The following MYO1E variants were observed in gnomAD, a reference collection of about 807,000 sequenced individuals.
MYO1E encodes myosin IE.
In MYO1E, 68 loss-of-function variants were observed where a neutral mutation model predicts 151.1. The ratio of observed to expected loss-of-function variants is 0.45; its 90% CI spans 0.37 to 0.55. MYO1E has a LOEUF of 0.55. MYO1E is among the 20% of genes least tolerant of loss of function. MYO1E has a pLI of 0.00. For synonymous variants in MYO1E, 601 were observed against 501.7 expected, an observed-to-expected ratio of 1.20 and a Z score of -2.64; for missense variants, 1,363 against 1,389.3, an observed-to-expected ratio of 0.98 and a Z score of 0.30.
chr15:59,147,987 C>G (rs1310116257), intron 26 of MYO1E, among the ~76,000 whole-genome samples: 1 of 152,196 alleles, frequency 6.6e-6, no homozygotes, highest in Admixed American at 6.5e-5. Flanking sequence ...CACCTTTCAA[C>G]CCTGGTAGAG....
intron 1 of MYO1E, among the ~76,000 whole-genome samples, chr15:59,333,220 T>C (rs1481560339): frequency 6.6e-6 from 1 of 152,170 alleles, no homozygotes; most frequent in Non-Finnish European, 1.5e-5. Flanking sequence ...TCCAGCTTCA[T>C]CACTATCTAC....
At chr15:59,324,057 C>T (rs1441145494) in intron 1 of MYO1E, among the ~76,000 whole-genome samples, 1 of 152,070 alleles carries the variant, frequency 6.6e-6, no homozygotes, top group Non-Finnish European at 1.5e-5. Flanking sequence ...GGGATCCTCC[C>T]TTGTGCCCTC....
intron 26 of MYO1E, among the ~76,000 whole-genome samples, chr15:59,142,409 C>G (rs2079415725): frequency 6.6e-6 from 1 of 152,316 alleles, no homozygotes; most frequent in Non-Finnish European, 1.5e-5. Flanking sequence ...AGTGGGAAGA[C>G]AAGACGGATG....
chr15:59,293,932 A>C (rs780401440), intron 1 of MYO1E, among the ~76,000 whole-genome samples: 5 of 152,190 alleles, frequency 3.3e-5, no homozygotes, highest in African/African-American at 1.2e-4. Flanking sequence ...GGTCCCTGCT[A>C]CTTGGGAAGC....
intron 2 of MYO1E, among the ~76,000 whole-genome samples, chr15:59,263,811 GAA>G (rs1284565743): frequency 6.6e-6 from 1 of 152,072 alleles, no homozygotes; most frequent in African/African-American, 2.4e-5. Flanking sequence ...GAAAATTACT[GAA>G]GAGTTATGGA....
intron 1 of MYO1E, among the ~76,000 whole-genome samples, chr15:59,289,282 A>G (rs1231841758): frequency 1.3e-5 from 2 of 152,360 alleles, no homozygotes; most frequent in East Asian, 3.9e-4. Context: ...TTACCATAAA[A>G]TAATCAGCTG....
chr15:59,218,003 C>A lies in MYO1E; in HGVS notation c.995G>T (p.Trp332Leu), dbSNP rs778537180. The A allele has an allele frequency of 3.1e-6, 5 of 1,614,142 alleles. No homozygotes were observed. Among genetic ancestry groups the A allele is most frequent in the Non-Finnish European group, 3.4e-6 (4 of 1,180,050 alleles). ...GTGGATGGATTCGGATTTGCCTCCC[C>A]ACTTGCTATCCATCTGCCGGCTTGT... ...KLTSRQMDSKWGGKSESIHVT... is the reference protein window; with the variant it reads ...KLTSRQMDSKLGGKSESIHVT... The change falls in exon 10 of 28, where the codon TGG (tryptophan) becomes TTG (leucine). Residue 332 changes from tryptophan to leucine, a missense_variant. Coordinates refer to ENST00000288235, the MANE Select transcript of MYO1E (RefSeq NM_004998.4).
At chr15:59,175,493 T>C (rs1489634100) in intron 19 of MYO1E, among the ~76,000 whole-genome samples, 2 of 152,134 alleles carry the variant, frequency 1.3e-5, no homozygotes, top group Non-Finnish European at 2.9e-5. Flanking sequence ...GATCCATCTG[T>C]GCAGAAACAA....
At chr15:59,163,427 A>ATAAG in intron 22 of MYO1E, 124 bp from the exon 23 acceptor site, 3 of 947,100 alleles carry the variant, frequency 3.2e-6, no homozygotes, top group South Asian at 1.7e-5. Context: ...CTTTCTTTCT[A>ATAAG]TAAGTAATAA....
At chr15:59,261,719 G>T (rs1205043550) in intron 2 of MYO1E, among the ~76,000 whole-genome samples, 1 of 152,054 alleles carries the variant, frequency 6.6e-6, no homozygotes, top group African/African-American at 2.4e-5. Flanking sequence ...AATTACCAAG[G>T]TGCTACAAAA....
At chr15:59,296,990 CTA>C (rs2080453098) in intron 1 of MYO1E, among the ~76,000 whole-genome samples, 2 of 94,390 alleles carry the variant, frequency 2.1e-5, no homozygotes, top group Middle Eastern at 6.0e-3. Context: ...CAGGCGCCCG[CTA>C]CCACGCCCGG....
intron 5 of MYO1E, among the ~76,000 whole-genome samples, chr15:59,235,189 C>A (rs2080055044): frequency 6.6e-6 from 1 of 152,148 alleles, no homozygotes; most frequent in Non-Finnish European, 1.5e-5. Context: ...TCTCTGTCTA[C>A]GTCCTTTAAA....
At position 59,201,109 on chromosome 15, in the gene MYO1E, AT is replaced by A. The variant is rs35652210; in HGVS notation, c.1698+1216del. 2.0e-3 allele frequency among the ~76,000 whole-genome samples: 288 copies of A among 144,208 alleles called. 1 individual carries two copies. Among genetic ancestry groups the A allele is most frequent in the African/African-American group, 3.8e-3 (147 of 39,080 alleles). 94.6% of individuals were successfully genotyped at this position (144,208 alleles called of 152,430 possible). On this transcript the variant is annotated intron_variant, in intron 16 of 27. Coordinates refer to ENST00000288235, the MANE Select transcript of MYO1E (RefSeq NM_004998.4). ...TGTGTGTGACACAATGACAAAAACT[AT>A]TTTTTTTTTTTTTTGGAGACAGGGT...
chr15:59,228,894 G>A (rs1216617313), intron 6 of MYO1E, among the ~76,000 whole-genome samples: 2 of 152,172 alleles, frequency 1.3e-5, no homozygotes, highest in Non-Finnish European at 2.9e-5. Context: ...AAAGACCACC[G>A]AAGGCGGCCA....
intron 4 of MYO1E, among the ~76,000 whole-genome samples, chr15:59,247,766 T>C (rs2080138918): frequency 6.6e-6 from 1 of 152,208 alleles, no homozygotes; most frequent in South Asian, 2.1e-4. Context: ...TACATATCTG[T>C]AGAGCCACTG....
chr15:59,320,969 A>T (rs572899463), intron 1 of MYO1E, among the ~76,000 whole-genome samples: 12 of 152,364 alleles, frequency 7.9e-5, no homozygotes, highest in African/African-American at 2.6e-4. Context: ...ATCCTTAAGG[A>T]ACTTTTAACA....
At chr15:59,363,940 A>G (rs1452928791) in intron 1 of MYO1E, among the ~76,000 whole-genome samples, 2 of 151,922 alleles carry the variant, frequency 1.3e-5, no homozygotes, top group African/African-American at 2.4e-5. Context: ...CCACCCAGCT[A>G]ATTTTTTTGT....
rs780341394 is a variant in MYO1E at position 59,350,516 on chromosome 15, T to A, written c.3+21982A>T. Reference sequence around the variant, plus strand: ...GTAGTGTCTGCCCTCAGAGACTACATGCATTACTGAGAGGAAAGTGGGGAG... The same window carrying A: ...GTAGTGTCTGCCCTCAGAGACTACAAGCATTACTGAGAGGAAAGTGGGGAG... On this transcript the variant is annotated intron_variant, in intron 1 of 27. Coordinates refer to ENST00000288235, the MANE Select transcript of MYO1E (RefSeq NM_004998.4). The surrounding 1 kb of genome is among the most constrained non-coding windows in gnomAD (Gnocchi z 5.0). 4.6e-5 allele frequency among the ~76,000 whole-genome samples: 7 copies of A among 152,150 alleles called. No individual in the cohort carries two copies. Among genetic ancestry groups the A allele is most frequent in the Non-Finnish European group, 8.8e-5 (6 of 68,032 alleles).
intron 25 of MYO1E, 81 bp downstream of exon 25, chr15:59,158,206 A>G: frequency 8.3e-7 from 1 of 1,211,570 alleles, no homozygotes; most frequent in South Asian, 1.3e-5. Flanking sequence ...TTGATTTGCT[A>G]ATGGGTTTCT....
Sources: gnomAD v4.1 joint callset for allele counts (sites outside exome capture counted in the v4.1 genomes callset) on GRCh38, gnomAD v4.1.1 for gene constraint, Gnocchi (gnomAD v3.1) non-coding constraint, MANE v1.5 for transcripts, NCBI Gene and HGNC (gene_info 2026-07-23, HGNC 2026-07-21) for gene names.